The following CCSER1 variants were observed in gnomAD, a reference collection of about 807,000 sequenced individuals.
CCSER1 encodes the protein serine-rich coiled-coil domain-containing protein 1.
In CCSER1, 41 loss-of-function variants were observed where a neutral mutation model predicts 82.0. That is an observed-to-expected ratio of 0.50 (90% CI 0.39 to 0.65). CCSER1 has a LOEUF of 0.65. Among genes scored for constraint, CCSER1 ranks in the 30% least tolerant of loss-of-function variants. The pLI is 0.00. For missense variants in CCSER1, 1,119 were observed against 1,064.2 expected (o/e 1.05, Z -0.72); for synonymous variants, 414 against 383.9 (o/e 1.08, Z -0.92).
At chr4:91,463,503 C>A (rs1376409380) in intron 10 of CCSER1, among the ~76,000 whole-genome samples, 2 of 152,206 alleles carry the variant, frequency 1.3e-5, no homozygotes, top group Non-Finnish European at 2.9e-5. Context: ...CAAAGGTGGA[C>A]AGAGAATGAC....
chr4:91,046,836 G>A (rs1352899089), intron 9 of CCSER1, among the ~76,000 whole-genome samples: 1 of 151,990 alleles, frequency 6.6e-6, no homozygotes, highest in Non-Finnish European at 1.5e-5. Flanking sequence ...CCCTGCCTCA[G>A]CCTCCCGAGT....
At chr4:91,328,786 C>T (rs1320303536) in intron 10 of CCSER1, among the ~76,000 whole-genome samples, 2 of 152,018 alleles carry the variant, frequency 1.3e-5, no homozygotes, top group African/African-American at 4.8e-5. Context: ...TTGGCTGTGT[C>T]CTCACCCAAA....
At chr4:91,148,353 A>G (rs1204108677) in intron 10 of CCSER1, among the ~76,000 whole-genome samples, 1 of 152,142 alleles carries the variant, frequency 6.6e-6, no homozygotes, top group Non-Finnish European at 1.5e-5. Context: ...TCGAAGCTGG[A>G]ACTCTATTAA....
intron 10 of CCSER1, among the ~76,000 whole-genome samples, chr4:91,225,896 T>C (rs1738159201): frequency 6.6e-6 from 1 of 151,968 alleles, no homozygotes; most frequent in South Asian, 2.1e-4. Context: ...AAACCTGAGC[T>C]CAGACTGCTA....
At chr4:90,642,466 T>C (rs185303554) in intron 6 of CCSER1, 2 of 152,306 alleles carry the variant, frequency 1.3e-5, no homozygotes, top group East Asian at 3.9e-4. Context: ...TGAAAACTTG[T>C]GGAAATTGAT....
At chr4:91,247,162 T>C (rs1739857876) in intron 10 of CCSER1, among the ~76,000 whole-genome samples, 2 of 151,028 alleles carry the variant, frequency 1.3e-5, no homozygotes, top group Non-Finnish European at 3.0e-5. Context: ...ATTAGCCGGG[T>C]GTGGTGGTGG....
intron 1 of CCSER1, among the ~76,000 whole-genome samples, chr4:90,307,406 T>G (rs2153477683): frequency 6.6e-6 from 1 of 151,406 alleles, no homozygotes; most frequent in African/African-American, 2.4e-5. Context: ...TCTCATAAGT[T>G]TAACTTGTTT....
chr4:91,085,352 CAA>C (rs2148815283), intron 9 of CCSER1, among the ~76,000 whole-genome samples: 1 of 152,106 alleles, frequency 6.6e-6, no homozygotes, highest in South Asian at 2.1e-4. Flanking sequence ...CTTTTAATGA[CAA>C]AATTGACTTG....
chr4:91,304,058 A>G (rs947462642), intron 10 of CCSER1, among the ~76,000 whole-genome samples: 6 of 152,078 alleles, frequency 3.9e-5, no homozygotes, highest in Non-Finnish European at 7.4e-5. Context: ...TTCCTGAGTC[A>G]ATTGCATTCT....
intron 10 of CCSER1, among the ~76,000 whole-genome samples, chr4:91,265,246 A>T (rs1741485224): frequency 6.6e-6 from 1 of 152,072 alleles, no homozygotes; most frequent in South Asian, 2.1e-4. Flanking sequence ...GTTTCAGTAA[A>T]CAATTTAATT....
chr4:90,532,814 T>C (rs1321059067), intron 5 of CCSER1, among the ~76,000 whole-genome samples: 1 of 152,212 alleles, frequency 6.6e-6, no homozygotes, highest in Non-Finnish European at 1.5e-5. Context: ...TATGTACAAA[T>C]AGATCGACTT....
At position 91,057,264 on chromosome 4, in the gene CCSER1, T is replaced by G. The variant is rs1054045658; in HGVS notation, c.2173-28686T>G. ...AGTTAAGAGCTGAAATTGATGAAAA[T>G]TCATGGTTCAAGCTTTCCTCTTGAA... On this transcript the variant is annotated intron_variant, in intron 9 of 10. Coordinates refer to ENST00000509176, the MANE Select transcript of CCSER1 (RefSeq NM_001145065.2). Among the ~76,000 whole-genome samples the G allele has an allele frequency of 2.0e-5, 3 of 152,092 alleles. No individual in the cohort carries two copies. In the East Asian group the frequency reaches 5.8e-4, roughly 30 times the overall value.
chr4:91,262,700 G>A (rs1234199878), intron 10 of CCSER1, among the ~76,000 whole-genome samples: 1 of 151,896 alleles, frequency 6.6e-6, no homozygotes, highest in Non-Finnish European at 1.5e-5. Context: ...AATTATTTTT[G>A]ATGAGTTTCT....
At chr4:90,573,288 G>A (rs565249456) in intron 5 of CCSER1, among the ~76,000 whole-genome samples, 23 of 152,360 alleles carry the variant, frequency 1.5e-4, no homozygotes, top group Admixed American at 2.6e-4. Context: ...TCTTTCTGGG[G>A]CAGGGCAGAA....
At chr4:90,708,857 A>C (rs539431159) in intron 6 of CCSER1, among the ~76,000 whole-genome samples, 2 of 152,280 alleles carry the variant, frequency 1.3e-5, no homozygotes, top group Admixed American at 1.3e-4. Context: ...TCTCTTTGCC[A>C]GTTGAAGATA....
rs1299073738 is a variant in CCSER1 at position 91,575,194 on chromosome 4, C to T, written c.2218-23378C>T. On this transcript the variant is annotated intron_variant, in intron 10 of 10. Transcript: ENST00000509176. ...TAAAAAGTGAAATGAGATCCATATCCATACCATATACAAAGATCAATTTAA... is the reference window on the plus strand; with the variant it reads ...TAAAAAGTGAAATGAGATCCATATCTATACCATATACAAAGATCAATTTAA... 2.0e-5 allele frequency among the ~76,000 whole-genome samples: 3 copies of T among 151,940 alleles called. No individual in the cohort carries two copies. In the East Asian group the frequency reaches 5.8e-4, roughly 29 times the overall value.
At chr4:91,208,527 A>C (rs1736535658) in intron 10 of CCSER1, among the ~76,000 whole-genome samples, 1 of 151,898 alleles carries the variant, frequency 6.6e-6, no homozygotes, top group Non-Finnish European at 1.5e-5. Context: ...GTCAAACATC[A>C]GATGGTTGTA....
chr4:91,301,641 A>T (rs1401087463), intron 10 of CCSER1, among the ~76,000 whole-genome samples: 1 of 151,918 alleles, frequency 6.6e-6, no homozygotes, highest in African/African-American at 2.4e-5. Context: ...TTCTCTATGC[A>T]AACCTATGTC....
intron 10 of CCSER1, among the ~76,000 whole-genome samples, chr4:91,415,056 C>G (rs1002586245): frequency 1.3e-5 from 2 of 152,080 alleles, no homozygotes; most frequent in Admixed American, 6.6e-5. Context: ...AAGCAGTGGA[C>G]TTGAATAGTG....
Sources: allele counts gnomAD v4.1 joint callset (sites outside exome capture counted in the v4.1 genomes callset), GRCh38; gene constraint gnomAD v4.1.1; transcripts MANE v1.5; gene names NCBI Gene and HGNC (gene_info 2026-07-23, HGNC 2026-07-21).